TOPAZ1: variants seen among roughly 807,000 people sequenced by gnomAD.
TOPAZ1 encodes testis and ovary specific TOPAZ 1.
TOPAZ1 carries 66 observed loss-of-function variants against 172.2 expected under a neutral mutation model. That is an observed-to-expected ratio of 0.38 (90% confidence interval 0.31 to 0.47). The LOEUF (loss-of-function observed/expected upper bound fraction) is 0.47, where lower values mean the gene tolerates loss of function less well. TOPAZ1 is among the 20% of genes least tolerant of loss of function. The pLI, the probability that TOPAZ1 is intolerant of heterozygous loss-of-function variation, is 0.99. For synonymous variants in TOPAZ1, 681 were observed against 683.9 expected (o/e 1.00, Z 0.07); for missense variants, 1,822 against 1,972.4 (o/e 0.92, Z 1.44).
chr3:44,322,379 T>G (rs570596547), intron 17 of TOPAZ1, among the ~76,000 whole-genome samples: 1 of 152,296 alleles, frequency 6.6e-6, no homozygotes, highest in African/African-American at 2.4e-5. Flanking sequence ...GTCTGAACTG[T>G]AGATATAATA....
chr3:44,309,448 T>C (rs952348619), intron 15 of TOPAZ1, among the ~76,000 whole-genome samples: 6 of 152,182 alleles, frequency 3.9e-5, no homozygotes, highest in African/African-American at 1.4e-4. Context: ...GGATCCCAGA[T>C]TGACCAACAG....
chr3:44,257,423 TTA>T (rs1170899100), intron 4 of TOPAZ1, among the ~76,000 whole-genome samples: 1 of 136,110 alleles, frequency 7.3e-6, no homozygotes, highest in Non-Finnish European at 1.6e-5. Context: ...TTTATATATT[TTA>T]TATATATATA....
chr3:44,248,820 G>A (rs957418997), intron 2 of TOPAZ1, among the ~76,000 whole-genome samples: 3 of 152,168 alleles, frequency 2.0e-5, no homozygotes, highest in African/African-American at 4.8e-5. Flanking sequence ...GCCCCTTTTG[G>A]TAAAACAAGT....
At position 44,250,296 on chromosome 3, in the gene TOPAZ1, C is replaced by G. The variant is rs151161833; in HGVS notation, c.2766-4672C>G. ...ACCAAAAATAAAAATCATTTTTTCT[C>G]TCCCTTATATATTGAGATTCATTGT... On this transcript the variant is annotated intron_variant, in intron 2 of 19. Coordinates refer to ENST00000309765, the MANE Select transcript of TOPAZ1 (RefSeq NM_001145030.2). Among the ~76,000 whole-genome samples, 352 of 148,258 alleles carry G rather than the reference C, an allele frequency of 2.4e-3. 1 individual carries two copies. Among genetic ancestry groups the G allele is most frequent in the Non-Finnish European group, 4.0e-3 (266 of 67,314 alleles).
intron 2 of TOPAZ1, among the ~76,000 whole-genome samples, chr3:44,254,118 T>C (rs920538055): frequency 3.3e-5 from 5 of 152,246 alleles, no homozygotes; most frequent in Non-Finnish European, 7.3e-5. Flanking sequence ...ATTCTCATTT[T>C]ACAGATATGG....
intron 17 of TOPAZ1, among the ~76,000 whole-genome samples, chr3:44,321,553 G>A (rs943828238): frequency 6.6e-6 from 1 of 152,156 alleles, no homozygotes; most frequent in Non-Finnish European, 1.5e-5. Flanking sequence ...AGGAACACAG[G>A]TAAACTTGAA....
chr3:44,300,603 T>A (rs865856405), intron 12 of TOPAZ1, among the ~76,000 whole-genome samples: 33 of 152,242 alleles, frequency 2.2e-4, no homozygotes, highest in Middle Eastern at 6.8e-3. Flanking sequence ...AATTTTTTTT[T>A]AAATATTGTT....
At chr3:44,245,413 T>C in intron 2 of TOPAZ1, 142 bp downstream of exon 2, 3 of 770,256 alleles carry the variant, frequency 3.9e-6, no homozygotes, top group Middle Eastern at 3.9e-4. Flanking sequence ...TATACCATTA[T>C]TACTGCTGAT....
intron 5 of TOPAZ1, 139 bp from the exon 6 acceptor site, chr3:44,266,858 G>A: frequency 3.6e-6 from 2 of 556,418 alleles, no homozygotes; most frequent in East Asian, 6.4e-5. Context: ...GCTCGACTCA[G>A]GGTTGCCACA....
rs1360664571 is a variant in TOPAZ1 at position 44,303,999 on chromosome 3, T to C, written c.3798-16T>C. The C allele has an allele frequency of 6.7e-7, 1 of 1,488,264 alleles. No individual in the cohort carries two copies. The highest frequency in any genetic ancestry group is 9.1e-7 in the Non-Finnish European group (1 of 1,094,680). The allele number at this position is 1,488,264 out of a possible 1,614,324, so 92.2% of individuals were successfully genotyped here. On this transcript the variant is annotated splice_polypyrimidine_tract_variant and intron_variant, in intron 12 of 19. Coordinates refer to ENST00000309765, the MANE Select transcript of TOPAZ1 (RefSeq NM_001145030.2). ...GGGGTGAATATAGTATAATTAACTC[T>C]TTTCTTTTGTTAAAGGTTACAGATG...
chr3:44,280,180 C>T (rs1250891643), intron 8 of TOPAZ1, among the ~76,000 whole-genome samples: 2 of 151,992 alleles, frequency 1.3e-5, no homozygotes, highest in African/African-American at 4.8e-5. Flanking sequence ...TTAGATACTT[C>T]ATCCTATTCT....
chr3:44,246,020 T>C (rs1307449903), intron 2 of TOPAZ1, among the ~76,000 whole-genome samples: 1 of 152,254 alleles, frequency 6.6e-6, no homozygotes, highest in Non-Finnish European at 1.5e-5. Context: ...AAAAGTTCAT[T>C]TTTCAGGGGA....
chr3:44,296,276 G>A (rs1700192536), intron 12 of TOPAZ1, among the ~76,000 whole-genome samples: 1 of 151,980 alleles, frequency 6.6e-6, no homozygotes, highest in Non-Finnish European at 1.5e-5. Flanking sequence ...GGAAAAATAA[G>A]AGCAAAATAA....
chr3:44,245,275 T>C lies in TOPAZ1; in HGVS notation c.2765+4T>C, dbSNP rs1047164854. On this transcript the variant is annotated splice_donor_region_variant and intron_variant, in intron 2 of 19. Coordinates refer to ENST00000309765, the MANE Select transcript of TOPAZ1 (RefSeq NM_001145030.2). ...AAGAACCAAGTGATGACTTAAGGTA[T>C]GCATGTTCAAGTATTCCTTTTAGTG... The C allele has an allele frequency of 2.0e-6, 3 of 1,520,618 alleles. No homozygotes were observed. Among genetic ancestry groups the C allele is most frequent in the Non-Finnish European group, 1.8e-6 (2 of 1,135,128 alleles). The allele number at this position is 1,520,618 out of a possible 1,614,324, so 94.2% of individuals were successfully genotyped here.
In TOPAZ1 at chr3:44,242,028, G is replaced by A. The variant is rs1185524873; in HGVS notation, c.-26G>A. The A allele has an allele frequency of 2.0e-6, 3 of 1,535,520 alleles. No individual in the cohort carries two copies. Among genetic ancestry groups the A allele is most frequent in the Non-Finnish European group, 2.6e-6 (3 of 1,144,332 alleles). Reference sequence around the variant, plus strand: ...GGTTCCTGCGAGCTGGTGCAGAGGGGCCCCAGCGGGCCGGCCCCGGGGCAC... The same window carrying A: ...GGTTCCTGCGAGCTGGTGCAGAGGGACCCCAGCGGGCCGGCCCCGGGGCAC... On this transcript the variant is annotated 5_prime_UTR_variant, in exon 1 of 20. Coordinates refer to ENST00000309765, the MANE Select transcript of TOPAZ1 (RefSeq NM_001145030.2).
intron 16 of TOPAZ1, among the ~76,000 whole-genome samples, chr3:44,316,707 C>T (rs559686653): frequency 5.9e-5 from 9 of 152,194 alleles, no homozygotes; most frequent in East Asian, 3.9e-4. Flanking sequence ...CTCAAAGTTA[C>T]GTATTCATCC....
chr3:44,320,969 A>G, intron 16 of TOPAZ1, 58 bp from the exon 17 acceptor site: 2 of 1,117,306 alleles, frequency 1.8e-6, no homozygotes, highest in Admixed American at 2.8e-5. Context: ...AGTTGTGATT[A>G]TACTGTTAAG....
Position 44,287,492 on chromosome 3 carries a change from G to C in TOPAZ1, c.3540G>C (p.Leu1180Phe). 6.5e-7 allele frequency: 1 copy of C among 1,528,864 alleles called. No homozygotes were observed. The highest frequency in any genetic ancestry group is 8.8e-7 in the Non-Finnish European group (1 of 1,136,874). The allele number at this position is 1,528,864 out of a possible 1,614,324, so 94.7% of individuals were successfully genotyped here. Reference protein sequence around the residue: ...LLNSLLKHCLLKEVFQIVNLS... With the variant: ...LLNSLLKHCLFKEVFQIVNLS... ...ATTCTTTACTCAAACATTGTTTGTT[G>C]AAAGAAGTATTTCAGATAGTGAACC... Residue 1180 changes from leucine to phenylalanine, a missense_variant, in exon 10 of 20, where the codon TTG becomes TTC. Around this residue, in one of 2 missense-constraint regions of TOPAZ1, gnomAD observed 1,489 missense variants for 1,490.8 expected, o/e 1.00. Coordinates refer to ENST00000309765, the MANE Select transcript of TOPAZ1 (RefSeq NM_001145030.2).
At chr3:44,301,215 T>A (rs980484061) in intron 12 of TOPAZ1, among the ~76,000 whole-genome samples, 1 of 152,090 alleles carries the variant, frequency 6.6e-6, no homozygotes, top group African/African-American at 2.4e-5. Flanking sequence ...CACACACAAA[T>A]ACATGTAAAA....
Sources: gnomAD v4.1 joint callset for allele counts (sites outside exome capture counted in the v4.1 genomes callset) on GRCh38, gnomAD v4.1.1 for gene constraint, gnomAD v4.1.1 regional missense constraint, MANE v1.5 for transcripts, NCBI Gene and HGNC (gene_info 2026-07-23, HGNC 2026-07-21) for gene names.